Variants in CD38 observed in about 807,000 individuals in gnomAD.
CD38 encodes the protein CD38 molecule, also known as ADP-ribosyl cyclase/cyclic ADP-ribose hydrolase 1.
A neutral mutation model predicts 36.3 loss-of-function variants in CD38; 31 were observed. The observed-to-expected ratio is 0.85, with a 90% CI of 0.64 to 1.15. CD38 has a LOEUF of 1.15. Among genes scored for constraint, CD38 ranks in the 50% most tolerant of loss-of-function variants. CD38 has a pLI of 0.00. For missense variants in CD38, 380 were observed against 371.9 expected (o/e 1.02, Z -0.18); for synonymous variants, 131 against 135.2 (o/e 0.97, Z 0.22).
At chr4:15,790,694 C>T (rs1285859949) in intron 1 of CD38, among the ~76,000 whole-genome samples, 23 of 151,318 alleles carry the variant, frequency 1.5e-4, no homozygotes, top group African/African-American at 4.6e-4. Flanking sequence ...GGGTGAGGAG[C>T]GTCTCTGCCC....
chr4:15,816,920 A>T (rs1396991582), intron 2 of CD38, among the ~76,000 whole-genome samples: 2 of 152,256 alleles, frequency 1.3e-5, no homozygotes, highest in Non-Finnish European at 2.9e-5. Context: ...CACCAAACCC[A>T]ACTCGAACAA....
rs1722618591 is a variant in CD38, at chr4:15,778,771, GGGT to G, written c.233+129_233+131del. The G allele has an allele frequency of 1.4e-6, 1 of 689,676 alleles. No homozygotes were observed. 42.7% of individuals were successfully genotyped at this position (689,676 alleles called of 1,614,324 possible). A position where few individuals can be genotyped will look rare whatever the true frequency, so the allele number is the denominator to read the frequency against. On this transcript the variant is annotated intron_variant, in intron 1 of 7. Coordinates refer to ENST00000226279, the MANE Select transcript of CD38 (RefSeq NM_001775.4). The surrounding 1 kb of genome is among the most constrained non-coding windows in gnomAD (Gnocchi z 4.9). ...GTGGCGGGTCAGCCGAGAGCCCGCC[GGGT>G]GGTGCTGAGTAGGGAGTCCCGGGCT... is the stretch of plus-strand genomic sequence containing the variant.
At chr4:15,793,937 G>A (rs6815245) in intron 1 of CD38, among the ~76,000 whole-genome samples, 22,632 of 152,238 alleles carry the variant, frequency 0.15, 1,864 homozygotes, top group South Asian at 0.26. Flanking sequence ...CTGTGGTAAA[G>A]CAAGTTGGGA....
At chr4:15,787,706 T>G (rs1722872709) in intron 1 of CD38, among the ~76,000 whole-genome samples, 1 of 152,206 alleles carries the variant, frequency 6.6e-6, no homozygotes, top group Non-Finnish European at 1.5e-5. Flanking sequence ...CTGCAGACCC[T>G]GGCTGAGCGA....
chr4:15,778,671 C>G lies in CD38; in HGVS notation c.233+24C>G. 1.3e-6 allele frequency: 2 copies of G among 1,518,618 alleles called. No homozygotes were observed. The highest frequency in any genetic ancestry group is 1.8e-6 in the Non-Finnish European group (2 of 1,095,002). The allele number at this position is 1,518,618 out of a possible 1,614,324, so 94.1% of individuals were successfully genotyped here. ...AGGTGGGTTGGCGACTAAGGCGCAC[C>G]GGTGGGCACTGCGGGGACAGCAGGG... On this transcript the variant is annotated intron_variant, in intron 1 of 7. Coordinates refer to ENST00000226279, the MANE Select transcript of CD38 (RefSeq NM_001775.4). The surrounding 1 kb of genome is among the most constrained non-coding windows in gnomAD (Gnocchi z 4.9).
intron 1 of CD38, among the ~76,000 whole-genome samples, chr4:15,797,698 G>A (rs113592652): frequency 1.2e-4 from 19 of 152,274 alleles, no homozygotes; most frequent in South Asian, 1.0e-3. Context: ...AATCTGCTTC[G>A]TGCCCTCTTC....
In CD38 at chr4:15,850,436, AT is replaced by A. The variant is rs1724359465; in HGVS notation, c.*1838del. 6.6e-6 allele frequency: 1 copy of A among 152,184 alleles called. No individual in the cohort carries two copies. Among genetic ancestry groups the A allele is most frequent in the African/African-American group, 2.4e-5 (1 of 41,464 alleles). The allele number at this position is 152,184 out of a possible 1,614,324, so 9.4% of individuals were successfully genotyped here. On this transcript the variant is annotated 3_prime_UTR_variant, in exon 8 of 8. Coordinates refer to ENST00000226279, the MANE Select transcript of CD38 (RefSeq NM_001775.4). The stretch of plus-strand genomic sequence containing the variant: ...TGGAGTCAGGCATTTCTGGATTCAT[AT>A]TTTGACATCATGCTGTCATCTTGAA...
chr4:15,789,039 A>G (rs1181142919), intron 1 of CD38, among the ~76,000 whole-genome samples: 1 of 152,194 alleles, frequency 6.6e-6, no homozygotes, highest in Non-Finnish European at 1.5e-5. Flanking sequence ...AGAAAAGACA[A>G]ATATATGTTT....
In CD38 at chr4:15,798,420, C is replaced by T. The variant is rs75800426; in HGVS notation, c.234-18091C>T. On this transcript the variant is annotated intron_variant, in intron 1 of 7. Transcript: ENST00000226279. ...CACACCCCCATTTCAAGTCTCTTTT[C>T]ATCCCAAAGTAACATATTTCCCAGC... Among the ~76,000 whole-genome samples the T allele has an allele frequency of 4.9e-3, 749 of 152,330 alleles. 3 individuals carry two copies. The highest frequency in any genetic ancestry group is 7.9e-3 in the Non-Finnish European group (539 of 68,018).
At chr4:15,807,508 C>T (rs1723367744) in intron 1 of CD38, among the ~76,000 whole-genome samples, 1 of 152,038 alleles carries the variant, frequency 6.6e-6, no homozygotes, top group South Asian at 2.1e-4. Flanking sequence ...CTGAAGGACA[C>T]TAAGGCCCAA....
chr4:15,798,630 AACGGCGTCTGCCACGTTGCAT>A (rs1194010846), intron 1 of CD38, among the ~76,000 whole-genome samples: 5 of 152,260 alleles, frequency 3.3e-5, no homozygotes, highest in Admixed American at 3.3e-4. Flanking sequence ...GTACGGAACC[AACGGCGTCTGCCACGTTGCAT>A]ATGGCCAAAT....
chr4:15,778,820 T>G lies in CD38; in HGVS notation c.233+173T>G, dbSNP rs6816391. On this transcript the variant is annotated intron_variant, in intron 1 of 7. Transcript: ENST00000226279. This position sits in a 1 kb window ranked among gnomAD's most constrained non-coding sequence, Gnocchi z 4.9. ...GGGCTCGGGGCTCCGCGGGCCGCTT[T>G]CAGGAGCAGCTGGCCTTGGCACCGA... Among the ~76,000 whole-genome samples the G allele has an allele frequency of 0.61, 91,614 of 151,402 alleles. 29,944 individuals are homozygous for G. The highest frequency in any genetic ancestry group is 0.87 in the African/African-American group (36,184 of 41,376).
At chr4:15,830,073 C>T (rs1326393060) in intron 3 of CD38, among the ~76,000 whole-genome samples, 3 of 152,116 alleles carry the variant, frequency 2.0e-5, no homozygotes, top group Non-Finnish European at 4.4e-5. Context: ...ATATCTCTTC[C>T]ATTGACTGAT....
At chr4:15,790,668 G>A (rs1316006908) in intron 1 of CD38, among the ~76,000 whole-genome samples, 3 of 150,732 alleles carry the variant, frequency 2.0e-5, no homozygotes, top group African/African-American at 7.3e-5. Flanking sequence ...CTCTCTGCCT[G>A]GCTGCCCAGT....
chr4:15,784,927 G>A (rs2148913482), intron 1 of CD38, among the ~76,000 whole-genome samples: 1 of 152,200 alleles, frequency 6.6e-6, no homozygotes, highest in South Asian at 2.1e-4. Context: ...GTGGTTGCGT[G>A]CACCTGTAGT....
At chr4:15,826,956 T>C (rs935677639) in intron 3 of CD38, among the ~76,000 whole-genome samples, 1 of 152,152 alleles carries the variant, frequency 6.6e-6, no homozygotes, top group East Asian at 1.9e-4. Flanking sequence ...GTTCATATAT[T>C]TTGACCATCT....
rs2148930716 is a variant in CD38, at chr4:15,850,396, A to G, written c.*1794A>G. On this transcript the variant is annotated 3_prime_UTR_variant, in exon 8 of 8. Coordinates refer to ENST00000226279, the MANE Select transcript of CD38 (RefSeq NM_001775.4). ...TCAGGGAATGACCACAATTTATTGA[A>G]AATAGCCTAAATGTTGGAGTCAGGC... 6.6e-6 allele frequency: 1 copy of G among 152,368 alleles called. No individual in the cohort carries two copies. Among genetic ancestry groups the G allele is most frequent in the African/African-American group, 2.4e-5 (1 of 41,590 alleles). The allele number at this position is 152,368 out of a possible 1,614,324, so 9.4% of individuals were successfully genotyped here.
At chr4:15,826,904 A>G (rs1158718599) in intron 3 of CD38, among the ~76,000 whole-genome samples, 1 of 152,232 alleles carries the variant, frequency 6.6e-6, no homozygotes, top group Non-Finnish European at 1.5e-5. Context: ...GCTACTATAT[A>G]TACATAAATG....
intron 4 of CD38, among the ~76,000 whole-genome samples, chr4:15,836,234 G>A (rs1724067863): frequency 6.6e-6 from 1 of 152,162 alleles, no homozygotes; most frequent in Non-Finnish European, 1.5e-5. Context: ...CAGATTCAAT[G>A]TCTGGTGAGG....
Sources: allele counts gnomAD v4.1 joint callset (sites outside exome capture counted in the v4.1 genomes callset), GRCh38; gene constraint gnomAD v4.1.1; non-coding constraint Gnocchi (gnomAD v3.1); transcripts MANE v1.5; gene names NCBI Gene and HGNC (gene_info 2026-07-23, HGNC 2026-07-21).